The following DLEC1 variants were observed in gnomAD, a reference collection of about 807,000 sequenced individuals.
DLEC1 encodes the protein deleted in lung and esophageal cancer protein 1.
Under a neutral mutation model 198.1 loss-of-function variants are expected in DLEC1, and 146 were observed. The observed-to-expected ratio is 0.74, with a 90% CI of 0.64 to 0.85. The LOEUF is 0.85. DLEC1 is among the 40% of genes least tolerant of loss of function. The pLI is 0.00. For missense variants in DLEC1, 2,233 were observed against 2,220.0 expected, an observed-to-expected ratio of 1.01 and a Z score of -0.12; for synonymous variants, 897 against 866.8, an observed-to-expected ratio of 1.03 and a Z score of -0.61.
At position 38,097,829 on chromosome 3, in the gene DLEC1, G is replaced by T. The variant is rs199518243; in HGVS notation, c.2651G>T (p.Arg884Leu). Residue 884 changes from arginine (R) to leucine (L), a missense_variant, in exon 18 of 37, where the codon CGG becomes CTG. Transcript: ENST00000308059. Reference protein sequence around the residue: ...GQKATNSIQIRNVSQLPATWR... With the variant: ...GQKATNSIQILNVSQLPATWR... ...AAAGCCACAAACTCCATCCAGATCC[G>T]GAACGTCAGCCAGCTCCCAGCCACA... The T allele has an allele frequency of 1.9e-6, 3 of 1,614,194 alleles. No homozygotes were observed. Among genetic ancestry groups the T allele is most frequent in the Non-Finnish European group, 2.5e-6 (3 of 1,180,042 alleles).
chr3:38,072,140 TG>T (rs1356831072), intron 6 of DLEC1, among the ~76,000 whole-genome samples: 1 of 152,132 alleles, frequency 6.6e-6, no homozygotes, highest in African/African-American at 2.4e-5. Context: ...GAGGGTCAGG[TG>T]TGGTATCTGG....
chr3:38,119,852 A>G lies in DLEC1; in HGVS notation c.4705-596A>G, dbSNP rs368029741. 3.3e-5 allele frequency among the ~76,000 whole-genome samples: 5 copies of G among 152,174 alleles called. No individual in the cohort carries two copies. The East Asian group carries it at 7.7e-4, about 23-fold the overall frequency. ...CCCAGCAAATTAGTACCCTTGACAAAGCTTGTTAAGGCAGCAGCTCCCAGA... is the reference window on the plus strand; with the variant it reads ...CCCAGCAAATTAGTACCCTTGACAAGGCTTGTTAAGGCAGCAGCTCCCAGA... On this transcript the variant is annotated intron_variant, in intron 33 of 36. Coordinates refer to ENST00000308059, the MANE Select transcript of DLEC1 (RefSeq NM_007335.4).
chr3:38,121,269 G>T (rs1024569161), intron 34 of DLEC1, among the ~76,000 whole-genome samples: 10 of 152,242 alleles, frequency 6.6e-5, no homozygotes, highest in Non-Finnish European at 1.0e-4. Flanking sequence ...TGCGGCCAAG[G>T]AACACAGACA....
At chr3:38,057,940 C>A (rs1288568530) in intron 2 of DLEC1, among the ~76,000 whole-genome samples, 1 of 151,836 alleles carries the variant, frequency 6.6e-6, no homozygotes, top group Admixed American at 6.6e-5. Flanking sequence ...CCTCAGCCTC[C>A]TGAGTAGCTG....
At chr3:38,099,715 T>G (rs4605495) in intron 18 of DLEC1, among the ~76,000 whole-genome samples, 29,153 of 150,860 alleles carry the variant, frequency 0.19, 3,382 homozygotes, top group East Asian at 0.35. Flanking sequence ...CTTCCTGCTC[T>G]TTCCCTTCCC....
At chr3:38,059,965 T>G (rs1318318632) in intron 3 of DLEC1, 113 bp downstream of exon 3, 2 of 878,682 alleles carry the variant, frequency 2.3e-6, no homozygotes, top group Admixed American at 2.5e-5. Flanking sequence ...TCACCTTTTC[T>G]TTAATTTCGA....
chr3:38,118,084 G>A (rs1294596456), intron 33 of DLEC1, 60 bp downstream of exon 33: 19 of 1,517,638 alleles, frequency 1.3e-5, no homozygotes, highest in Middle Eastern at 2.3e-4. Context: ...TGTACAGACA[G>A]CACCCCTGCA....
intron 6 of DLEC1, among the ~76,000 whole-genome samples, chr3:38,081,347 G>A (rs1346650257): frequency 7.2e-6 from 1 of 138,374 alleles, no homozygotes; most frequent in African/African-American, 2.7e-5. Flanking sequence ...TCCCAGACGG[G>A]GTGGTGGCCG....
intron 6 of DLEC1, among the ~76,000 whole-genome samples, chr3:38,064,976 G>T (rs1009196387): frequency 2.0e-5 from 3 of 152,204 alleles, no homozygotes; most frequent in Non-Finnish European, 4.4e-5. Context: ...ACTTTGGGAG[G>T]CCAAGGCAGG....
chr3:38,063,540 T>C (rs1239023280), intron 5 of DLEC1, among the ~76,000 whole-genome samples: 1 of 152,126 alleles, frequency 6.6e-6, no homozygotes, highest in East Asian at 1.9e-4. Flanking sequence ...AGACTAATAT[T>C]TGAGATACCT....
In DLEC1 at chr3:38,097,764, C is replaced by T. The variant is rs780047776; in HGVS notation, c.2586C>T (p.Asn862=). 2.2e-5 allele frequency: 36 copies of T among 1,614,052 alleles called. No individual in the cohort carries two copies. Among genetic ancestry groups the T allele is most frequent in the Middle Eastern group, 1.6e-4 (1 of 6,084 alleles). Residue 862 remains asparagine (N), a synonymous_variant, in exon 18 of 37, where the codon AAC becomes AAT. Transcript: ENST00000308059. ...AVFKGPALII[N]VSALQFGLLR... ...CTCAGGGGCCTGCCCTCATCATCAACGTCTCAGCCCTTCAGTTTGGTCTGC... is the reference window on the plus strand; with the variant it reads ...CTCAGGGGCCTGCCCTCATCATCAATGTCTCAGCCCTTCAGTTTGGTCTGC...
At chr3:38,042,847 G>T (rs189432408) in intron 1 of DLEC1, among the ~76,000 whole-genome samples, 1 of 152,122 alleles carries the variant, frequency 6.6e-6, no homozygotes, top group Non-Finnish European at 1.5e-5. Flanking sequence ...GAGACACTGC[G>T]CCCAGCAATG....
intron 23 of DLEC1, 35 bp downstream of exon 23, chr3:38,110,316 G>T: frequency 1.2e-6 from 2 of 1,611,584 alleles, no homozygotes; most frequent in South Asian, 2.2e-5. Context: ...CAGGGCAGAT[G>T]AAGCTGGATG....
chr3:38,076,132 A>G (rs1426019542), intron 6 of DLEC1, among the ~76,000 whole-genome samples: 1 of 152,116 alleles, frequency 6.6e-6, no homozygotes, highest in Non-Finnish European at 1.5e-5. Flanking sequence ...AAGAGAAGGG[A>G]GAGATTGAAG....
chr3:38,095,856 G>A, intron 13 of DLEC1, 32 bp from the exon 14 acceptor site: 1 of 1,613,416 alleles, frequency 6.2e-7, no homozygotes, highest in Non-Finnish European at 8.5e-7. Context: ...GGAACGCAGT[G>A]GTGTTTTCAG....
chr3:38,110,476 G>T (rs1699807834), intron 23 of DLEC1, among the ~76,000 whole-genome samples, 195 bp downstream of exon 23: 1 of 152,226 alleles, frequency 6.6e-6, no homozygotes, highest in African/African-American at 2.4e-5. Flanking sequence ...GAGTGGGCGT[G>T]TGGGAGAGGC....
intron 10 of DLEC1, 89 bp downstream of exon 10, chr3:38,088,477 T>C: frequency 8.0e-7 from 1 of 1,255,382 alleles, no homozygotes; most frequent in Middle Eastern, 1.9e-4. Flanking sequence ...TCCAGTCCCA[T>C]CCCATATCAC....
At chr3:38,108,911 C>T (rs1268832634) in intron 21 of DLEC1, among the ~76,000 whole-genome samples, 3 of 152,210 alleles carry the variant, frequency 2.0e-5, no homozygotes, top group East Asian at 1.9e-4. Flanking sequence ...CTAGGTTTCC[C>T]GCTGGAGGCC....
chr3:38,045,039 G>A (rs935555397), intron 1 of DLEC1, among the ~76,000 whole-genome samples: 2 of 152,220 alleles, frequency 1.3e-5, no homozygotes, highest in Non-Finnish European at 2.9e-5. Flanking sequence ...GCCTGTCAAA[G>A]TTTCTCTCTT....
Sources: allele counts gnomAD v4.1 joint callset (sites outside exome capture counted in the v4.1 genomes callset), GRCh38; gene constraint gnomAD v4.1.1; transcripts MANE v1.5; gene names NCBI Gene and HGNC (gene_info 2026-07-23, HGNC 2026-07-21).